The following RUNX1 variants were observed in gnomAD, a reference collection of about 807,000 sequenced individuals.
RUNX1 encodes runt-related transcription factor 1.
RUNX1 carries 19 observed loss-of-function variants against 42.8 expected under a neutral mutation model. The observed-to-expected ratio is 0.44, with a 90% CI of 0.31 to 0.65. RUNX1 has a LOEUF of 0.65. Among genes scored for constraint, RUNX1 ranks in the 30% least tolerant of loss-of-function variants. The pLI, the probability that RUNX1 is intolerant of heterozygous loss-of-function variation, is 0.07. For synonymous variants in RUNX1, 271 were observed against 289.4 expected (o/e 0.94, Z 0.64); for missense variants, 528 against 672.0 (o/e 0.79, Z 2.37).
chr21:34,851,655 T>A (rs2057420739), intron 6 of RUNX1, among the ~76,000 whole-genome samples: 1 of 152,160 alleles, frequency 6.6e-6, no homozygotes, highest in Non-Finnish European at 1.5e-5. Context: ...TTAGTTTAGA[T>A]CCTGACCTCA....
At chr21:35,003,778 GCTT>G (rs2146885035) in intron 2 of RUNX1, among the ~76,000 whole-genome samples, 1 of 152,272 alleles carries the variant, frequency 6.6e-6, no homozygotes, top group African/African-American at 2.4e-5. Context: ...AGAAACTGAT[GCTT>G]CTTACCCTGA....
intron 6 of RUNX1, among the ~76,000 whole-genome samples, chr21:34,838,172 T>A (rs2057176701): frequency 6.6e-6 from 1 of 152,204 alleles, no homozygotes; most frequent in African/African-American, 2.4e-5. Context: ...GGTATGCATA[T>A]CTCGTTGATA....
chr21:34,869,734 G>T (rs1340183304), intron 5 of RUNX1, among the ~76,000 whole-genome samples: 2 of 152,200 alleles, frequency 1.3e-5, no homozygotes, highest in African/African-American at 4.8e-5. Context: ...AAGGCGAGCT[G>T]CCGTGGCACT....
intron 2 of RUNX1, among the ~76,000 whole-genome samples, chr21:34,987,928 T>A (rs2058904772): frequency 6.6e-6 from 1 of 152,100 alleles, no homozygotes; most frequent in Non-Finnish European, 1.5e-5. Context: ...AGGGCACAGG[T>A]GGCCTGAAAT....
At chr21:35,047,397 C>T (rs1291761314) in intron 2 of RUNX1, among the ~76,000 whole-genome samples, 6 of 152,056 alleles carry the variant, frequency 3.9e-5, no homozygotes, top group African/African-American at 1.4e-4. Context: ...TTCAACTTCA[C>T]TAAAATTCCC....
At chr21:34,874,348 G>A (rs950571094) in intron 5 of RUNX1, among the ~76,000 whole-genome samples, 5 of 151,606 alleles carry the variant, frequency 3.3e-5, no homozygotes, top group South Asian at 2.1e-4. Context: ...GGTGGCTCAC[G>A]ACTGTAATCC....
intron 8 of RUNX1, chr21:34,798,092 T>A: frequency 2.2e-6 from 1 of 456,638 alleles, no homozygotes; most frequent in Non-Finnish European, 4.4e-6. Context: ...ATCACAACTG[T>A]CTGGAAAACA....
intron 7 of RUNX1, among the ~76,000 whole-genome samples, chr21:34,823,945 T>C (rs1240636415): frequency 1.3e-5 from 2 of 152,184 alleles, no homozygotes; most frequent in Non-Finnish European, 2.9e-5. Context: ...GAGATCAGAA[T>C]TGGAAGACAC....
rs773071163 is a variant in RUNX1, at chr21:34,859,541, G to T, written c.546C>A (p.Asn182Lys). 1.2e-6 allele frequency: 2 copies of T among 1,614,096 alleles called. No homozygotes were observed. The highest frequency in any genetic ancestry group is 3.3e-5 in the Admixed American group (2 of 60,010). ...SFTLTITVFT[N>K]PPQVATYHRA... ...TGTGGTAGGTGGCGACTTGCGGTGG[G>T]TTTGTGAAGACAGTGATGGTCAGAG... Residue 182 changes from asparagine (N) to lysine (K), a missense_variant, in exon 6 of 9, where the codon AAC becomes AAA. Coordinates refer to ENST00000675419, the MANE Select transcript of RUNX1 (RefSeq NM_001754.5).
At chr21:34,932,128 A>G (rs890951514) in intron 2 of RUNX1, among the ~76,000 whole-genome samples, 2 of 152,116 alleles carry the variant, frequency 1.3e-5, no homozygotes, top group Non-Finnish European at 1.5e-5. Context: ...GATGATTGAG[A>G]GGGTGTTTTA....
intron 2 of RUNX1, among the ~76,000 whole-genome samples, chr21:34,947,667 T>C (rs1438937941): frequency 1.3e-5 from 2 of 152,252 alleles, no homozygotes; most frequent in African/African-American, 4.8e-5. Context: ...AAGCCCTGTC[T>C]ATCATGGTAA....
At chr21:35,035,004 GCATTAGTGAC>G (rs1436687780) in intron 2 of RUNX1, among the ~76,000 whole-genome samples, 1 of 152,208 alleles carries the variant, frequency 6.6e-6, no homozygotes, top group Non-Finnish European at 1.5e-5. Context: ...GTACAAGGAT[GCATTAGTGAC>G]CACGCGCACT....
intron 2 of RUNX1, among the ~76,000 whole-genome samples, chr21:34,917,671 C>T (rs190993837): frequency 6.6e-6 from 1 of 151,932 alleles, no homozygotes; most frequent in South Asian, 2.1e-4. Flanking sequence ...AGAAAGCAAG[C>T]GAGAAAGCCT....
intron 2 of RUNX1, among the ~76,000 whole-genome samples, chr21:34,933,519 T>C (rs942846482): frequency 6.6e-6 from 1 of 152,240 alleles, no homozygotes; most frequent in Non-Finnish European, 1.5e-5. Flanking sequence ...TTTTTATGAC[T>C]TCTGGCAAGC....
At chr21:34,897,421 C>G (rs2058139494) in intron 2 of RUNX1, among the ~76,000 whole-genome samples, 1 of 152,182 alleles carries the variant, frequency 6.6e-6, no homozygotes, top group Admixed American at 6.5e-5. Context: ...TAGCACAGTT[C>G]TGCAGGATTA....
intron 7 of RUNX1, among the ~76,000 whole-genome samples, chr21:34,828,395 C>CT (rs936928019): frequency 7.2e-5 from 11 of 152,194 alleles, no homozygotes; most frequent in African/African-American, 2.7e-4. Context: ...TTTCACAAAG[C>CT]TAATGGAATT....
intron 2 of RUNX1, among the ~76,000 whole-genome samples, chr21:34,931,345 T>TAC (rs1005902919): frequency 1.4e-5 from 2 of 146,074 alleles, no homozygotes; most frequent in African/African-American, 5.1e-5. Flanking sequence ...TTTATATATA[T>TAC]ATATACATGT....
intron 2 of RUNX1, among the ~76,000 whole-genome samples, chr21:35,024,657 C>A (rs9305559): frequency 0.012 from 1,860 of 152,266 alleles, 44 homozygotes; most frequent in African/African-American, 0.043. Context: ...TATGACAGCA[C>A]CAGGCTTTTA....
At chr21:34,855,383 A>C (rs577983407) in intron 6 of RUNX1, among the ~76,000 whole-genome samples, 1 of 152,126 alleles carries the variant, frequency 6.6e-6, no homozygotes, top group Non-Finnish European at 1.5e-5. Flanking sequence ...TTTTCATTAG[A>C]TCCTAGAAAT....
Sources: allele counts gnomAD v4.1 joint callset (sites outside exome capture counted in the v4.1 genomes callset), GRCh38; gene constraint gnomAD v4.1.1; transcripts MANE v1.5; gene names NCBI Gene and HGNC (gene_info 2026-07-23, HGNC 2026-07-21).